DLC1: variants seen among roughly 807,000 people sequenced by gnomAD.
DLC1 encodes rho GTPase-activating protein 7.
DLC1 carries 54 observed loss-of-function variants against 140.3 expected under a neutral mutation model. The observed-to-expected ratio is 0.38, with a 90% confidence interval of 0.31 to 0.48. The LOEUF (loss-of-function observed/expected upper bound fraction) is 0.48. Ranked by LOEUF, DLC1 falls within the 20% of genes least tolerant of loss-of-function variation. The pLI, the probability that DLC1 is intolerant of heterozygous loss-of-function variation, is 0.96. For synonymous variants in DLC1, 986 were observed against 728.1 expected (o/e 1.35, Z -5.70); for missense variants, 2,536 against 1,907.0 (o/e 1.33, Z -6.14).
At chr8:13,441,211 A>G (rs1443595543) in intron 2 of DLC1, among the ~76,000 whole-genome samples, 1 of 152,216 alleles carries the variant, frequency 6.6e-6, no homozygotes, top group African/African-American at 2.4e-5. Context: ...ACGTATCTCA[A>G]AATAATAAGA....
At chr8:13,102,384 G>A (rs971694396) in intron 8 of DLC1, among the ~76,000 whole-genome samples, 6 of 151,918 alleles carry the variant, frequency 3.9e-5, no homozygotes, top group Admixed American at 1.3e-4. Context: ...ATCGGCCTTC[G>A]CTTTCATCTC....
At chr8:13,233,293 TAAAAAAAAAA>T (rs71207134) in intron 5 of DLC1, among the ~76,000 whole-genome samples, 657 of 70,380 alleles carry the variant, frequency 9.3e-3, no homozygotes, top group Non-Finnish European at 0.014. Context: ...AGACTCTGTA[TAAAAAAAAAA>T]AAAAAAAAAA....
chr8:13,155,222 C>T (rs1824164215), intron 5 of DLC1, among the ~76,000 whole-genome samples: 1 of 151,104 alleles, frequency 6.6e-6, no homozygotes, highest in African/African-American at 2.4e-5. Context: ...TATTATATGG[C>T]TATATCCTAA....
chr8:13,548,939 G>A (rs1409255934), intron 1 of DLC1, among the ~76,000 whole-genome samples: 1 of 152,052 alleles, frequency 6.6e-6, no homozygotes, highest in Non-Finnish European at 1.5e-5. Flanking sequence ...TATAATCACT[G>A]AATTTCAGTG....
At chr8:13,290,654 G>C (rs991929541) in intron 5 of DLC1, among the ~76,000 whole-genome samples, 20 of 152,170 alleles carry the variant, frequency 1.3e-4, no homozygotes, top group Admixed American at 1.2e-3. Context: ...TTCGGATAGA[G>C]TACTGGAGTG....
chr8:13,276,306 G>T (rs1415836052), intron 5 of DLC1: 2 of 1,535,372 alleles, frequency 1.3e-6, no homozygotes, highest in East Asian at 2.5e-5. Flanking sequence ...GACATCCAGG[G>T]CTCTGGCCGT....
intron 4 of DLC1, among the ~76,000 whole-genome samples, chr8:13,315,555 G>C (rs1013067760): frequency 6.6e-6 from 1 of 152,116 alleles, no homozygotes; most frequent in Non-Finnish European, 1.5e-5. Context: ...CTTGATGTTG[G>C]GGCCTTTCAA....
chr8:13,150,864 A>C (rs1251913996), intron 5 of DLC1, among the ~76,000 whole-genome samples: 1 of 152,242 alleles, frequency 6.6e-6, no homozygotes, highest in Non-Finnish European at 1.5e-5. Flanking sequence ...CCCTGGAGAA[A>C]ATACTGGCCT....
chr8:13,448,261 C>A (rs1414392113), intron 2 of DLC1, among the ~76,000 whole-genome samples: 1 of 152,066 alleles, frequency 6.6e-6, no homozygotes, highest in African/African-American at 2.4e-5. Flanking sequence ...ATCATGAAAC[C>A]CTGGAATAGA....
At chr8:13,458,812 A>C (rs1799528583) in intron 2 of DLC1, among the ~76,000 whole-genome samples, 1 of 148,738 alleles carries the variant, frequency 6.7e-6, no homozygotes, top group African/African-American at 2.5e-5. Context: ...AACCAAGCCC[A>C]CAGTCTTTCT....
intron 5 of DLC1, among the ~76,000 whole-genome samples, chr8:13,302,062 TC>T (rs1832219759): frequency 6.6e-6 from 1 of 152,216 alleles, no homozygotes; most frequent in Non-Finnish European, 1.5e-5. Flanking sequence ...TGTGATCAGT[TC>T]TGATTATTTA....
At chr8:13,257,721 GAA>G (rs56257500) in intron 5 of DLC1, among the ~76,000 whole-genome samples, 2,751 of 145,902 alleles carry the variant, frequency 0.019, 32 homozygotes, top group South Asian at 0.045. Context: ...CGGAAAAGAA[GAA>G]AAAAAAAAAA....
intron 2 of DLC1, among the ~76,000 whole-genome samples, chr8:13,404,102 G>T (rs1229132017): frequency 6.6e-6 from 1 of 152,038 alleles, no homozygotes; most frequent in Non-Finnish European, 1.5e-5. Flanking sequence ...TGATTGTAAA[G>T]AAATACAAGG....
At chr8:13,483,551 C>G (rs1199756791) in intron 2 of DLC1, among the ~76,000 whole-genome samples, 1 of 152,024 alleles carries the variant, frequency 6.6e-6, no homozygotes, top group Non-Finnish European at 1.5e-5. Flanking sequence ...TGAAGAATAA[C>G]CAAAAACTAG....
chr8:13,115,036 A>G (rs1180748081), intron 6 of DLC1, among the ~76,000 whole-genome samples: 1 of 152,212 alleles, frequency 6.6e-6, no homozygotes, highest in Non-Finnish European at 1.5e-5. Flanking sequence ...AATGTTCACA[A>G]CAGCACAGCT....
intron 5 of DLC1, among the ~76,000 whole-genome samples, chr8:13,118,826 A>G (rs1820792992): frequency 6.6e-6 from 1 of 151,268 alleles, no homozygotes; most frequent in Non-Finnish European, 1.5e-5. Flanking sequence ...TCTGTAAACA[A>G]CCCTCTCTTA....
intron 5 of DLC1, among the ~76,000 whole-genome samples, chr8:13,120,416 A>G (rs1406355197): frequency 6.7e-6 from 1 of 148,368 alleles, no homozygotes; most frequent in African/African-American, 2.5e-5. Context: ...TTATGTAACA[A>G]TGAACAAAAT....
At chr8:13,238,762 T>G (rs1656202081) in intron 5 of DLC1, among the ~76,000 whole-genome samples, 1 of 152,094 alleles carries the variant, frequency 6.6e-6, no homozygotes, top group South Asian at 2.1e-4. Context: ...AGTAAGCAAC[T>G]GGAATTACTC....
intron 1 of DLC1, among the ~76,000 whole-genome samples, chr8:13,594,170 A>G (rs1805611526): frequency 6.6e-6 from 1 of 152,058 alleles, no homozygotes; most frequent in African/African-American, 2.4e-5. Flanking sequence ...CAAAAGAAGG[A>G]AAAAAGATCC....
Sources: gnomAD v4.1 joint callset for allele counts (sites outside exome capture counted in the v4.1 genomes callset) on GRCh38, gnomAD v4.1.1 for gene constraint, MANE v1.5 for transcripts, NCBI Gene and HGNC (gene_info 2026-07-23, HGNC 2026-07-21) for gene names.